C19orf47: variants seen among roughly 807,000 people sequenced by gnomAD.
C19orf47 encodes chromosome 19 open reading frame 47.
In C19orf47, 18 loss-of-function variants were observed where a neutral mutation model predicts 32.3. The observed-to-expected ratio is 0.56, with a 90% CI of 0.39 to 0.83. The LOEUF is 0.83. C19orf47 is among the 40% of genes least tolerant of loss of function. C19orf47 has a pLI of 0.00. For synonymous variants in C19orf47, 202 were observed against 211.1 expected (o/e 0.96, Z 0.37); for missense variants, 484 against 531.6 (o/e 0.91, Z 0.88).
At chr19:40,303,860 A>G in the C19orf47 span, among the ~76,000 whole-genome samples, 1 of 151,372 alleles carries the variant, frequency 6.6e-6, no homozygotes, top group Non-Finnish European at 1.5e-5. Context: ...GCAAATTGCA[A>G]CCAGGAAAAT....
chr19:40,300,185 G>A, the C19orf47 span, among the ~76,000 whole-genome samples: 3 of 151,992 alleles, frequency 2.0e-5, no homozygotes, highest in African/African-American at 7.2e-5. Context: ...TAAGTTATAT[G>A]GCCGGGTGCA....
chr19:40,293,392 C>T, the C19orf47 span, among the ~76,000 whole-genome samples: 1 of 151,930 alleles, frequency 6.6e-6, no homozygotes, highest in Non-Finnish European at 1.5e-5. Context: ...GTGATCCGCC[C>T]GCCTCAGCCT....
At chr19:40,319,528 C>T (rs1477073969), downstream of C19orf47, 1 of 152,444 alleles carries the variant, frequency 6.6e-6, no homozygotes, top group Non-Finnish European at 1.5e-5. Context: ...TATTACCAGG[C>T]CCTTGGCTTT....
At chr19:40,333,520 A>C (rs552261190) in intron 5 of C19orf47, among the ~76,000 whole-genome samples, 1 of 152,238 alleles carries the variant, frequency 6.6e-6, no homozygotes, top group South Asian at 2.1e-4. Context: ...ATAAAGCTAT[A>C]TATTTGACGA....
rs4803326 is a variant in C19orf47, at chr19:40,319,670, C to T, written c.*2212G>A. Reference sequence around the variant, plus strand: ...CTCCTGCCTCAGCCTCCTAAGTAGCCGGGATTACAGGCACCTGTCACCACA... The same window carrying T: ...CTCCTGCCTCAGCCTCCTAAGTAGCTGGGATTACAGGCACCTGTCACCACA... On this transcript the variant is annotated 3_prime_UTR_variant, in exon 9 of 9. Coordinates refer to ENST00000683109, the MANE Select transcript of C19orf47 (RefSeq NM_001256441.2). 60,761 of 152,224 alleles carry T rather than the reference C, an allele frequency of 0.4. 13,336 individuals carry two copies. Among genetic ancestry groups the T allele is most frequent in the South Asian group, 0.61 (2,931 of 4,790 alleles). The allele number at this position is 152,224 out of a possible 1,614,324, so 9.4% of individuals were successfully genotyped here. A position where few individuals can be genotyped will look rare whatever the true frequency, so the allele number is the denominator to read the frequency against.
chr19:40,339,408 C>G (rs1049975748), intron 2 of C19orf47, among the ~76,000 whole-genome samples: 2 of 152,130 alleles, frequency 1.3e-5, no homozygotes, highest in East Asian at 3.8e-4. Context: ...GAGACACGTA[C>G]AAGAATATTC....
At chr19:40,297,009 CA>C in the C19orf47 span, among the ~76,000 whole-genome samples, 1 of 152,072 alleles carries the variant, frequency 6.6e-6, no homozygotes, top group Non-Finnish European at 1.5e-5. Flanking sequence ...GCTCATTAAA[CA>C]TCATTATGCA....
chr19:40,307,167 C>T, the C19orf47 span, among the ~76,000 whole-genome samples: 2 of 137,626 alleles, frequency 1.5e-5, no homozygotes, highest in Admixed American at 1.6e-4. Context: ...GCAATCCTGG[C>T]TCACTGCAAC....
In C19orf47 at chr19:40,336,373, G is replaced by A. The variant is rs368311340; in HGVS notation, c.54C>T (p.Ala18=). Residue 18 remains alanine, a synonymous_variant, in exon 3 of 9, where the codon GCC becomes GCT. Transcript: ENST00000683109. ...TGACGGCAGGTCCTGGAGGAATGCC[G>A]GCTTCCTTAAAGAACTGGATCCACT... ...TSEWIQFFKE[A]GIPPGPAVNY... is the part of the protein sequence containing the mutation. 109 of 1,614,070 alleles carry A rather than the reference G, an allele frequency of 6.8e-5. No homozygotes were observed. The highest frequency in any genetic ancestry group is 2.7e-4 in the East Asian group (12 of 44,878).
the C19orf47 span, among the ~76,000 whole-genome samples, chr19:40,305,634 C>T: frequency 6.6e-6 from 1 of 152,014 alleles, no homozygotes; most frequent in African/African-American, 2.4e-5. Context: ...AGCTCTTACA[C>T]GACACCTAAA....
At chr19:40,299,460 TTTC>T in the C19orf47 span, 4 of 152,210 alleles carry the variant, frequency 2.6e-5, no homozygotes, top group Admixed American at 2.6e-4. Context: ...TTTTTCCTTT[TTTC>T]TTTTCTTAAT....
At chr19:40,297,988 C>T in the C19orf47 span, among the ~76,000 whole-genome samples, 5 of 149,722 alleles carry the variant, frequency 3.3e-5, no homozygotes, top group Non-Finnish European at 4.4e-5. Context: ...TGCAGTGAGC[C>T]GAGATAGAGT....
chr19:40,326,677 G>C (rs1036463673), intron 6 of C19orf47, among the ~76,000 whole-genome samples, 191 bp from the exon 7 acceptor site: 2 of 152,128 alleles, frequency 1.3e-5, no homozygotes, highest in African/African-American at 4.8e-5. Flanking sequence ...CACAGAAGGT[G>C]CTCAGAATCC....
chr19:40,321,062 A>G lies in C19orf47; in HGVS notation c.*820T>C, dbSNP rs989428173. 1 of 206,310 alleles carries G rather than the reference A, an allele frequency of 4.8e-6. No homozygotes were observed. The highest frequency in any genetic ancestry group is 8.6e-6 in the Non-Finnish European group (1 of 116,244). The allele number at this position is 206,310 out of a possible 1,614,324, so 12.8% of individuals were successfully genotyped here. A position where few individuals can be genotyped will look rare whatever the true frequency, so the allele number is the denominator to read the frequency against. ...TCACCCTGAAGGAGTGGGGGAAATG[A>G]TTTGAAAGTCACAAAAATATATTAA... On this transcript the variant is annotated 3_prime_UTR_variant, in exon 9 of 9. Coordinates refer to ENST00000683109, the MANE Select transcript of C19orf47 (RefSeq NM_001256441.2).
chr19:40,330,169 T>C (rs1422715254), intron 5 of C19orf47, among the ~76,000 whole-genome samples: 1 of 152,184 alleles, frequency 6.6e-6, no homozygotes, highest in Non-Finnish European at 1.5e-5. Context: ...CACCCCTTTC[T>C]TTCTTTGCCT....
At chr19:40,324,294 GCAGA>G (rs2077783497) in intron 7 of C19orf47, 8 of 591,154 alleles carry the variant, frequency 1.4e-5, no homozygotes, top group Admixed American at 1.1e-4. Context: ...GCTACAAGTG[GCAGA>G]TTCCCTACAC....
At chr19:40,301,426 C>T in the C19orf47 span, among the ~76,000 whole-genome samples, 4 of 150,272 alleles carry the variant, frequency 2.7e-5, no homozygotes, top group East Asian at 2.0e-4. Flanking sequence ...CTGCAACCTC[C>T]GCCTCCCAGG....
chr19:40,316,133 C>T (rs2077660476), downstream of C19orf47, among the ~76,000 whole-genome samples: 1 of 152,162 alleles, frequency 6.6e-6, no homozygotes, highest in African/African-American at 2.4e-5. Context: ...TAACTCAGGT[C>T]AGATGCCCAA....
intron 2 of C19orf47, 187 bp downstream of exon 2, chr19:40,341,652 A>G (rs1042673553): frequency 5.2e-6 from 4 of 773,396 alleles, no homozygotes; most frequent in Non-Finnish European, 8.1e-6. Flanking sequence ...CAGTCAGGAG[A>G]GAGATCCAGT....
Sources: gnomAD v4.1 joint callset for allele counts (sites outside exome capture counted in the v4.1 genomes callset) on GRCh38, gnomAD v4.1.1 for gene constraint, MANE v1.5 for transcripts, NCBI Gene and HGNC (gene_info 2026-07-23, HGNC 2026-07-21) for gene names.